APBB2: variants seen among roughly 807,000 people sequenced by gnomAD.
The protein encoded by APBB2 is amyloid beta precursor protein binding family B member 2.
A neutral mutation model predicts 82.5 loss-of-function variants in APBB2; 38 were observed. The observed-to-expected ratio is 0.46, with a 90% CI of 0.36 to 0.60. APBB2 has a LOEUF of 0.60. Among genes scored for constraint, APBB2 ranks in the 20% least tolerant of loss-of-function variants. APBB2 has a pLI of 0.00. For synonymous variants in APBB2, 341 were observed against 368.2 expected, an observed-to-expected ratio of 0.93 and a Z score of 0.85; for missense variants, 772 against 972.3, an observed-to-expected ratio of 0.79 and a Z score of 2.74.
intron 6 of APBB2, among the ~76,000 whole-genome samples, chr4:41,000,687 C>G (rs935728902): frequency 1.3e-5 from 2 of 152,138 alleles, no homozygotes; most frequent in African/African-American, 4.8e-5. Flanking sequence ...CATTCATGGA[C>G]TGCAAGGAAC....
chr4:40,866,946 G>A (rs1398947965), intron 12 of APBB2, among the ~76,000 whole-genome samples: 1 of 152,074 alleles, frequency 6.6e-6, no homozygotes, highest in South Asian at 2.1e-4. Context: ...TGCAGAGATG[G>A]GGTTTCACTA....
chr4:41,123,809 A>C (rs566342359), intron 2 of APBB2, among the ~76,000 whole-genome samples: 1 of 152,178 alleles, frequency 6.6e-6, no homozygotes, highest in South Asian at 2.1e-4. Context: ...GGCGACAGCA[A>C]GACTCTGTCT....
chr4:40,908,881 A>G (rs898611810), intron 10 of APBB2, among the ~76,000 whole-genome samples: 1 of 152,168 alleles, frequency 6.6e-6, no homozygotes, highest in African/African-American at 2.4e-5. Flanking sequence ...ATCACCCAAC[A>G]CCTGCTAACA....
intron 12 of APBB2, among the ~76,000 whole-genome samples, chr4:40,834,619 A>G (rs7693777): frequency 0.6 from 91,405 of 151,850 alleles, 28,531 homozygotes; most frequent in African/African-American, 0.68. Context: ...TGTGATCAAC[A>G]AAGGATCCTG....
At chr4:41,179,409 TA>T (rs938768369) in intron 1 of APBB2, among the ~76,000 whole-genome samples, 7 of 152,132 alleles carry the variant, frequency 4.6e-5, no homozygotes, top group African/African-American at 1.7e-4. Flanking sequence ...TACCGTCATG[TA>T]AAAAAATAGA....
intron 1 of APBB2, among the ~76,000 whole-genome samples, chr4:41,191,299 G>A (rs140518812): frequency 4.5e-4 from 69 of 152,212 alleles, no homozygotes; most frequent in Non-Finnish European, 8.8e-4. Context: ...ATCGAACCAC[G>A]TGGCTAGGTT....
chr4:41,088,767 A>G (rs777948992), intron 3 of APBB2, among the ~76,000 whole-genome samples: 2 of 152,208 alleles, frequency 1.3e-5, no homozygotes, highest in African/African-American at 2.4e-5. Context: ...TTTAAGTCAT[A>G]AACTCAACTT....
At chr4:40,907,306 A>C (rs1035605060) in intron 10 of APBB2, among the ~76,000 whole-genome samples, 2 of 147,256 alleles carry the variant, frequency 1.4e-5, no homozygotes, top group South Asian at 4.3e-4. Flanking sequence ...GCTCTACTCC[A>C]ATAGGACTGA....
intron 4 of APBB2, among the ~76,000 whole-genome samples, chr4:41,048,752 C>G (rs1217772705): frequency 1.3e-5 from 2 of 150,888 alleles, no homozygotes; most frequent in African/African-American, 2.4e-5. Flanking sequence ...GCTGCCAACT[C>G]GGCTCACTGC....
At chr4:41,079,549 A>T (rs1736806302) in intron 3 of APBB2, among the ~76,000 whole-genome samples, 3 of 145,108 alleles carry the variant, frequency 2.1e-5, no homozygotes, top group Non-Finnish European at 3.0e-5. Context: ...AGGCTCATCA[A>T]TTTTTTTTTT....
At chr4:40,981,912 G>A (rs1327988101) in intron 6 of APBB2, among the ~76,000 whole-genome samples, 4 of 151,960 alleles carry the variant, frequency 2.6e-5, no homozygotes, top group South Asian at 2.1e-4. Flanking sequence ...CAGGCCAGGT[G>A]CAGTGGCTCC....
At chr4:41,150,426 C>T (rs1435385312) in intron 1 of APBB2, among the ~76,000 whole-genome samples, 1 of 152,210 alleles carries the variant, frequency 6.6e-6, no homozygotes, top group Non-Finnish European at 1.5e-5. Context: ...AAGCTGGAAA[C>T]AGTGAAGTCT....
intron 3 of APBB2, among the ~76,000 whole-genome samples, chr4:41,085,045 T>C (rs1283923652): frequency 6.6e-6 from 1 of 152,056 alleles, no homozygotes; most frequent in African/African-American, 2.4e-5. Context: ...GGTCAGGAGA[T>C]CGAGACCATT....
intron 4 of APBB2, among the ~76,000 whole-genome samples, chr4:41,057,735 A>G (rs902097305): frequency 5.9e-5 from 9 of 152,222 alleles, no homozygotes; most frequent in South Asian, 4.1e-4. Flanking sequence ...ACCTGGAAAA[A>G]TAAGTCCTTT....
chr4:41,169,129 G>A (rs1374687435), intron 1 of APBB2, among the ~76,000 whole-genome samples: 1 of 144,680 alleles, frequency 6.9e-6, no homozygotes, highest in Non-Finnish European at 1.5e-5. Context: ...AGGTTGCAGT[G>A]AGCTGAGATT....
At chr4:40,941,308 A>C (rs1786850178) in intron 7 of APBB2, among the ~76,000 whole-genome samples, 1 of 152,234 alleles carries the variant, frequency 6.6e-6, no homozygotes, top group Non-Finnish European at 1.5e-5. Flanking sequence ...TGTTAGAAAA[A>C]TAATCATTTC....
rs144965182 is a variant in APBB2 at position 41,199,227 on chromosome 4, C to T, written c.-417+15178G>A. The stretch of plus-strand genomic sequence containing the variant: ...ACTCCAGAGATGCACAGAGATAACT[C>T]GAGTCTCTTTAACCAGTTACCTTAT... On this transcript the variant is annotated intron_variant, in intron 1 of 17. Transcript: ENST00000508593. Among the ~76,000 whole-genome samples, 56 of 152,236 alleles carry T rather than the reference C, an allele frequency of 3.7e-4. 2 individuals are homozygous for T. Among genetic ancestry groups the T allele is most frequent in the African/African-American group, 1.2e-3 (48 of 41,534 alleles).
At chr4:41,050,273 TAGAC>T (rs769601052) in intron 4 of APBB2, among the ~76,000 whole-genome samples, 3 of 152,304 alleles carry the variant, frequency 2.0e-5, no homozygotes, top group East Asian at 3.9e-4. Context: ...AACTTTTAAT[TAGAC>T]AGGAACAAGG....
intron 10 of APBB2, among the ~76,000 whole-genome samples, chr4:40,920,884 C>CA (rs1266456356): frequency 6.6e-6 from 1 of 151,710 alleles, no homozygotes; most frequent in African/African-American, 2.4e-5. Context: ...AAACACAAAA[C>CA]AAAAAACAAG....
Sources: gnomAD v4.1 joint callset for allele counts (sites outside exome capture counted in the v4.1 genomes callset) on GRCh38, gnomAD v4.1.1 for gene constraint, MANE v1.5 for transcripts, NCBI Gene and HGNC (gene_info 2026-07-23, HGNC 2026-07-21) for gene names.